The following NRXN1 variants were observed in gnomAD, a reference collection of about 807,000 sequenced individuals.
NRXN1 encodes the protein neurexin-1.
Under a neutral mutation model 150.9 loss-of-function variants are expected in NRXN1, and 39 were observed. The observed-to-expected ratio is 0.26, with a 90% confidence interval of 0.20 to 0.34. NRXN1 has a LOEUF of 0.34. NRXN1 is among the 10% of genes least tolerant of loss of function. NRXN1 has a pLI of 1.00. For synonymous variants in NRXN1, 924 were observed against 757.0 expected (o/e 1.22, Z -3.62); for missense variants, 1,815 against 1,949.9 (o/e 0.93, Z 1.30).
chr2:50,453,564 T>C (rs2087213379), intron 17 of NRXN1, among the ~76,000 whole-genome samples: 1 of 152,184 alleles, frequency 6.6e-6, no homozygotes, highest in Admixed American at 6.5e-5. Context: ...TCTACTAAAA[T>C]ATTGAACCAA....
At chr2:50,335,932 G>A (rs1186445110) in intron 17 of NRXN1, among the ~76,000 whole-genome samples, 2 of 151,552 alleles carry the variant, frequency 1.3e-5, no homozygotes, top group Non-Finnish European at 2.9e-5. Context: ...CACTGTTGGA[G>A]AGGGGTTCAT....
chr2:50,752,216 T>C (rs1228254591), intron 5 of NRXN1, among the ~76,000 whole-genome samples: 1 of 151,968 alleles, frequency 6.6e-6, no homozygotes, highest in African/African-American at 2.4e-5. Context: ...AAAAAAAAAT[T>C]CTTTGGCCTG....
intron 15 of NRXN1, among the ~76,000 whole-genome samples, chr2:50,478,441 A>C (rs545166452): frequency 1.3e-5 from 2 of 152,332 alleles, no homozygotes; most frequent in South Asian, 4.1e-4. Flanking sequence ...TGGGCAATTC[A>C]AGCAGACATT....
At chr2:50,610,476 T>G (rs555908817) in intron 8 of NRXN1, among the ~76,000 whole-genome samples, 61 of 150,890 alleles carry the variant, frequency 4.0e-4, no homozygotes, top group Non-Finnish European at 8.0e-4. Flanking sequence ...TAATTACAGC[T>G]TCCATTGTAT....
intron 17 of NRXN1, among the ~76,000 whole-genome samples, chr2:50,334,193 A>ATTTTT (rs68183264): frequency 3.6e-5 from 4 of 109,878 alleles, no homozygotes; most frequent in Non-Finnish European, 1.8e-5. Flanking sequence ...CCAGGACCAA[A>ATTTTT]TATATATATA....
intron 4 of NRXN1, among the ~76,000 whole-genome samples, chr2:50,922,095 A>C (rs1475124596): frequency 6.6e-6 from 1 of 151,910 alleles, no homozygotes; most frequent in Non-Finnish European, 1.5e-5. Context: ...AAGTACATGC[A>C]AAAAACTGAA....
At chr2:50,015,166 A>T (rs2152551172) in intron 21 of NRXN1, among the ~76,000 whole-genome samples, 1 of 152,222 alleles carries the variant, frequency 6.6e-6, no homozygotes, top group Admixed American at 6.5e-5. Flanking sequence ...TAAGAAATGC[A>T]ATTATCAGAG....
At chr2:50,348,898 G>C (rs1321701049) in intron 17 of NRXN1, among the ~76,000 whole-genome samples, 2 of 151,738 alleles carry the variant, frequency 1.3e-5, no homozygotes, top group African/African-American at 4.8e-5. Context: ...GAACAGGAAT[G>C]ATTTCTCACT....
intron 18 of NRXN1, among the ~76,000 whole-genome samples, chr2:50,191,459 T>C (rs2061438274): frequency 6.6e-6 from 1 of 152,190 alleles, no homozygotes; most frequent in Non-Finnish European, 1.5e-5. Context: ...TGTGTGTTTG[T>C]ATAGTTATAG....
intron 17 of NRXN1, among the ~76,000 whole-genome samples, chr2:50,317,243 C>G (rs143629918): frequency 5.0e-4 from 76 of 151,984 alleles, no homozygotes; most frequent in African/African-American, 1.7e-3. Context: ...ATTAATTAGA[C>G]AAATCCTAAT....
intron 5 of NRXN1, among the ~76,000 whole-genome samples, chr2:50,708,472 T>G (rs1694735529): frequency 6.6e-6 from 1 of 152,022 alleles, no homozygotes; most frequent in South Asian, 2.1e-4. Context: ...AGGGCTTGAG[T>G]TTTCACTGCT....
rs117886381 is a variant in NRXN1 at position 50,352,040 on chromosome 2, C to T, written c.3364+113402G>A. ...GGAAACGGGGTTCACACTCAGTTGC[C>T]GCCAACAACCATGGCTACTGAGATC... On this transcript the variant is annotated intron_variant, in intron 17 of 22. Coordinates refer to ENST00000401669, the MANE Select transcript of NRXN1 (RefSeq NM_001330078.2). Among the ~76,000 whole-genome samples the T allele has an allele frequency of 5.7e-4, 86 of 151,924 alleles. No individual in the cohort carries two copies. In the East Asian group the frequency reaches 7.5e-3, roughly 13 times the overall value.
At chr2:50,615,783 A>C (rs770413628) in intron 8 of NRXN1, 7 of 152,164 alleles carry the variant, frequency 4.6e-5, no homozygotes, top group Non-Finnish European at 8.8e-5. Context: ...AGACACCATG[A>C]TTTCTCTTTC....
intron 8 of NRXN1, among the ~76,000 whole-genome samples, chr2:50,609,318 A>C (rs1187656180): frequency 2.0e-5 from 3 of 152,160 alleles, no homozygotes; most frequent in African/African-American, 7.2e-5. Flanking sequence ...AAGAATTTCA[A>C]GATGACAAGA....
intron 17 of NRXN1, among the ~76,000 whole-genome samples, chr2:50,309,302 C>A (rs1228567443): frequency 6.6e-6 from 1 of 152,248 alleles, no homozygotes; most frequent in East Asian, 1.9e-4. Flanking sequence ...AGAGTTTTTA[C>A]TAGGACACAG....
chr2:50,380,142 T>A (rs1046876861), intron 17 of NRXN1, among the ~76,000 whole-genome samples: 10 of 152,156 alleles, frequency 6.6e-5, no homozygotes, highest in African/African-American at 2.4e-4. Context: ...TGACTACTCT[T>A]TTTAATCTTA....
chr2:50,181,506 G>T (rs1162377788), intron 18 of NRXN1, among the ~76,000 whole-genome samples: 1 of 152,034 alleles, frequency 6.6e-6, no homozygotes, highest in African/African-American at 2.4e-5. Context: ...CGTTATGAGG[G>T]CAAATCAGTT....
chr2:50,898,179 T>C (rs1170625779), intron 5 of NRXN1, among the ~76,000 whole-genome samples: 1 of 152,190 alleles, frequency 6.6e-6, no homozygotes, highest in Non-Finnish European at 1.5e-5. Flanking sequence ...TTTATGTCAC[T>C]GTTTCTTTGT....
intron 21 of NRXN1, among the ~76,000 whole-genome samples, chr2:50,039,876 A>C (rs1690649758): frequency 6.6e-6 from 1 of 152,236 alleles, no homozygotes; most frequent in Non-Finnish European, 1.5e-5. Flanking sequence ...TTTCTGAGCA[A>C]CTGATAAGTG....
Sources: gnomAD v4.1 joint callset for allele counts (sites outside exome capture counted in the v4.1 genomes callset) on GRCh38, gnomAD v4.1.1 for gene constraint, MANE v1.5 for transcripts, NCBI Gene and HGNC (gene_info 2026-07-23, HGNC 2026-07-21) for gene names.